The following DOK6 variants were observed in gnomAD, a reference collection of about 807,000 sequenced individuals.
DOK6 encodes the protein downstream of tyrosine kinase 6.
DOK6 carries 22 observed loss-of-function variants against 44.0 expected under a neutral mutation model. The observed-to-expected ratio is 0.50, with a 90% CI of 0.36 to 0.71. The LOEUF is 0.71. Ranked by LOEUF, DOK6 falls within the 30% of genes least tolerant of loss-of-function variation. The pLI is 0.00. For missense variants in DOK6, 340 were observed against 416.4 expected (o/e 0.82, Z 1.60); for synonymous variants, 166 against 145.5 (o/e 1.14, Z -1.01).
chr18:69,670,654 C>T (rs191665881), intron 3 of DOK6, among the ~76,000 whole-genome samples: 10 of 152,064 alleles, frequency 6.6e-5, no homozygotes, highest in Non-Finnish European at 1.3e-4. Flanking sequence ...GGATTACAGG[C>T]ACAAGCCACC....
intron 5 of DOK6, among the ~76,000 whole-genome samples, chr18:69,714,038 G>C (rs1006919179): frequency 6.6e-6 from 1 of 152,130 alleles, no homozygotes; most frequent in Non-Finnish European, 1.5e-5. Context: ...CCTCCAGCGG[G>C]ACAGGAGGTG....
chr18:69,769,277 G>A (rs959181800), intron 7 of DOK6, among the ~76,000 whole-genome samples: 2 of 151,890 alleles, frequency 1.3e-5, no homozygotes, highest in Non-Finnish European at 2.9e-5. Context: ...GACAAAAGCT[G>A]CACTTAGTTT....
At chr18:69,564,644 C>A in intron 2 of DOK6, 50 bp downstream of exon 2, 1 of 1,407,922 alleles carries the variant, frequency 7.1e-7, no homozygotes, top group Non-Finnish European at 9.7e-7. Context: ...CCCTTGAAGA[C>A]TTGTGGAGAT....
At chr18:69,773,183 A>C (rs1228730529) in intron 7 of DOK6, among the ~76,000 whole-genome samples, 1 of 151,940 alleles carries the variant, frequency 6.6e-6, no homozygotes, top group Non-Finnish European at 1.5e-5. Context: ...TATCTAAAAA[A>C]CAAAAAACAA....
chr18:69,566,774 T>C (rs1254826453), intron 2 of DOK6, among the ~76,000 whole-genome samples: 4 of 152,262 alleles, frequency 2.6e-5, no homozygotes, highest in Non-Finnish European at 4.4e-5. Flanking sequence ...AAGAGCATTT[T>C]ACCTAATTTG....
At chr18:69,775,847 C>A (rs1397131915) in intron 7 of DOK6, among the ~76,000 whole-genome samples, 1 of 151,564 alleles carries the variant, frequency 6.6e-6, no homozygotes, top group Non-Finnish European at 1.5e-5. Flanking sequence ...GAAGGCAAGG[C>A]AAAACACAAA....
At chr18:69,790,066 C>T (rs1405705350) in intron 7 of DOK6, among the ~76,000 whole-genome samples, 1 of 152,150 alleles carries the variant, frequency 6.6e-6, no homozygotes, top group Non-Finnish European at 1.5e-5. Flanking sequence ...GAGGTACAGA[C>T]TAAACCCCAA....
chr18:69,512,642 C>A (rs1191671074), intron 1 of DOK6, among the ~76,000 whole-genome samples: 2 of 152,136 alleles, frequency 1.3e-5, no homozygotes, highest in East Asian at 3.9e-4. Context: ...CCGCGCCTGG[C>A]CAGGCTTTGC....
intron 3 of DOK6, among the ~76,000 whole-genome samples, chr18:69,656,375 G>A (rs1985368527): frequency 6.6e-6 from 1 of 152,216 alleles, no homozygotes; most frequent in Non-Finnish European, 1.5e-5. Flanking sequence ...GGAGGAAGAT[G>A]CAAATCACAA....
intron 1 of DOK6, among the ~76,000 whole-genome samples, chr18:69,403,913 A>G (rs1003944835): frequency 6.6e-6 from 1 of 152,200 alleles, no homozygotes; most frequent in Non-Finnish European, 1.5e-5. Flanking sequence ...AAAACTATGA[A>G]CTTTTCCAAA....
At chr18:69,600,506 C>A (rs1367928424) in intron 3 of DOK6, among the ~76,000 whole-genome samples, 1 of 152,066 alleles carries the variant, frequency 6.6e-6, no homozygotes. Context: ...TGCACAGAAG[C>A]CTGTTAAATG....
chr18:69,583,752 C>CAAAA (rs36222332), intron 2 of DOK6, among the ~76,000 whole-genome samples: 44 of 143,768 alleles, frequency 3.1e-4, no homozygotes, highest in East Asian at 6.0e-4. Flanking sequence ...TCCATCCATA[C>CAAAA]AAAAAAAAAA....
At chr18:69,667,191 C>A (rs1250952266) in intron 3 of DOK6, among the ~76,000 whole-genome samples, 2 of 152,124 alleles carry the variant, frequency 1.3e-5, no homozygotes, top group Admixed American at 1.3e-4. Flanking sequence ...TTCTCATGCC[C>A]CTGCACACAT....
At chr18:69,764,873 A>G (rs969245864) in intron 7 of DOK6, among the ~76,000 whole-genome samples, 6 of 152,160 alleles carry the variant, frequency 3.9e-5, no homozygotes, top group Non-Finnish European at 8.8e-5. Context: ...ACACTGATTA[A>G]TATCCACAGG....
intron 1 of DOK6, among the ~76,000 whole-genome samples, chr18:69,417,711 G>C (rs544613369): frequency 1.3e-5 from 2 of 151,812 alleles, no homozygotes; most frequent in Non-Finnish European, 2.9e-5. Context: ...TTGCATCCTC[G>C]CCAGCATTTA....
Position 69,677,868 on chromosome 18 carries a change from G to A in DOK6, c.409+15G>A, listed in dbSNP as rs765141578. The A allele has an allele frequency of 3.1e-6, 5 of 1,611,116 alleles. No individual in the cohort carries two copies. In the South Asian group the frequency reaches 5.5e-5, roughly 18 times the overall value. On this transcript the variant is annotated intron_variant, in intron 4 of 7. Transcript: ENST00000382713. ...GGAACAGAATGGTAGGTGTGAGATT[G>A]CCTTCCATCACTTCAGAATACCCTT...
At chr18:69,729,984 A>G (rs997720313) in intron 5 of DOK6, among the ~76,000 whole-genome samples, 1 of 152,254 alleles carries the variant, frequency 6.6e-6, no homozygotes, top group Non-Finnish European at 1.5e-5. Context: ...AAGGACAAAT[A>G]TGACAAGGTT....
chr18:69,567,459 T>A (rs1983010435), intron 2 of DOK6, among the ~76,000 whole-genome samples: 1 of 151,496 alleles, frequency 6.6e-6, no homozygotes, highest in African/African-American at 2.4e-5. Flanking sequence ...GAAAGAAAAA[T>A]TTTTAAAAAC....
intron 1 of DOK6, among the ~76,000 whole-genome samples, chr18:69,456,720 C>T (rs1979643108): frequency 6.6e-6 from 1 of 152,166 alleles, no homozygotes; most frequent in Non-Finnish European, 1.5e-5. Context: ...TTTGAGAAAT[C>T]TCCAAACTGC....
Sources: gnomAD v4.1 joint callset for allele counts (sites outside exome capture counted in the v4.1 genomes callset) on GRCh38, gnomAD v4.1.1 for gene constraint, MANE v1.5 for transcripts, NCBI Gene and HGNC (gene_info 2026-07-23, HGNC 2026-07-21) for gene names.